The following PCCA variants were observed in gnomAD, a reference collection of about 807,000 sequenced individuals.
The protein encoded by PCCA is propionyl-CoA carboxylase alpha chain, mitochondrial.
Under a neutral mutation model 101.3 loss-of-function variants are expected in PCCA, and 74 were observed. The observed-to-expected ratio is 0.73, with a 90% CI of 0.61 to 0.89. The LOEUF (loss-of-function observed/expected upper bound fraction) is 0.89, where lower values mean the gene tolerates loss of function less well. Ranked by LOEUF, PCCA falls within the 40% of genes least tolerant of loss-of-function variation. PCCA has a pLI of 0.00. For synonymous variants in PCCA, 294 were observed against 313.6 expected, an observed-to-expected ratio of 0.94 and a Z score of 0.66; for missense variants, 891 against 907.0, an observed-to-expected ratio of 0.98 and a Z score of 0.23.
chr13:100,373,317 C>CTTGTTCCAG, intron 19 of PCCA, among the ~76,000 whole-genome samples: 1 of 152,100 alleles, frequency 6.6e-6, no homozygotes, highest in South Asian at 2.1e-4. Context: ...AGCTGGAACC[C>CTTGTTCCAG]TTGTGCACAG....
At chr13:100,321,552 A>G (rs907679939) in intron 16 of PCCA, among the ~76,000 whole-genome samples, 2 of 148,698 alleles carry the variant, frequency 1.3e-5, no homozygotes, top group South Asian at 2.1e-4. Flanking sequence ...CAAGCATGAA[A>G]TAGCTGTGTA....
chr13:100,241,309 A>G (rs2061118899), intron 8 of PCCA, among the ~76,000 whole-genome samples: 1 of 151,964 alleles, frequency 6.6e-6, no homozygotes, highest in South Asian at 2.1e-4. Context: ...GGATTTACTT[A>G]TTCTGGGGAT....
At chr13:100,323,145 C>G (rs2068246996) in intron 16 of PCCA, among the ~76,000 whole-genome samples, 1 of 152,222 alleles carries the variant, frequency 6.6e-6, no homozygotes, top group South Asian at 2.1e-4. Context: ...AACATGAAAA[C>G]AGTCATATGT....
At chr13:100,405,363 G>T (rs901304227) in intron 19 of PCCA, among the ~76,000 whole-genome samples, 4 of 152,148 alleles carry the variant, frequency 2.6e-5, no homozygotes, top group African/African-American at 9.7e-5. Context: ...TGGTTTACAG[G>T]AACAAGCAGG....
intron 5 of PCCA, among the ~76,000 whole-genome samples, chr13:100,156,981 A>G (rs1022770599): frequency 1.3e-5 from 2 of 152,238 alleles, no homozygotes; most frequent in African/African-American, 4.8e-5. Flanking sequence ...TAGTGTAGAC[A>G]AATGCCAGTG....
intron 12 of PCCA, among the ~76,000 whole-genome samples, chr13:100,295,311 T>C (rs760697762): frequency 6.6e-6 from 1 of 152,326 alleles, no homozygotes; most frequent in East Asian, 1.9e-4. Flanking sequence ...CAAACACTTA[T>C]GAAACTGAAT....
chr13:100,189,164 T>G (rs1412152122), intron 6 of PCCA, among the ~76,000 whole-genome samples: 1 of 152,162 alleles, frequency 6.6e-6, no homozygotes, highest in East Asian at 1.9e-4. Flanking sequence ...TGTGATAGTT[T>G]GCTGAGAATG....
At chr13:100,343,870 T>A (rs1255738256) in intron 18 of PCCA, among the ~76,000 whole-genome samples, 1 of 152,070 alleles carries the variant, frequency 6.6e-6, no homozygotes, top group South Asian at 2.1e-4. Context: ...AGGCCAGGAG[T>A]TCGCGACCAA....
At chr13:100,473,842 C>A (rs2152958387) in intron 21 of PCCA, among the ~76,000 whole-genome samples, 1 of 152,346 alleles carries the variant, frequency 6.6e-6, no homozygotes, top group African/African-American at 2.4e-5. Flanking sequence ...GGGGAGACAT[C>A]TCTGGCTTAT....
intron 19 of PCCA, among the ~76,000 whole-genome samples, chr13:100,376,072 T>C (rs919055683): frequency 6.6e-6 from 1 of 152,242 alleles, no homozygotes; most frequent in Non-Finnish European, 1.5e-5. Context: ...TGTTCCTTTC[T>C]GTTTGTTAGT....
intron 6 of PCCA, among the ~76,000 whole-genome samples, chr13:100,201,686 C>A (rs1304513523): frequency 6.6e-6 from 1 of 151,546 alleles, no homozygotes; most frequent in Non-Finnish European, 1.5e-5. Flanking sequence ...GGTGAAACCC[C>A]GTCCCTACTA....
intron 6 of PCCA, among the ~76,000 whole-genome samples, chr13:100,201,880 A>C (rs1042159626): frequency 6.6e-6 from 1 of 150,880 alleles, no homozygotes; most frequent in Non-Finnish European, 1.5e-5. Context: ...AAAAAAAAAA[A>C]AAAAAAAACC....
At chr13:100,119,449 G>T (rs987039304) in intron 4 of PCCA, among the ~76,000 whole-genome samples, 1 of 152,114 alleles carries the variant, frequency 6.6e-6, no homozygotes, top group African/African-American at 2.4e-5. Context: ...ACACCCTCCA[G>T]GGTATCACTC....
At chr13:100,351,786 A>G (rs1156612894) in intron 18 of PCCA, among the ~76,000 whole-genome samples, 1 of 152,186 alleles carries the variant, frequency 6.6e-6, no homozygotes, top group Non-Finnish European at 1.5e-5. Flanking sequence ...ATTTGACTTG[A>G]ATTGGATAGA....
intron 21 of PCCA, among the ~76,000 whole-genome samples, chr13:100,478,373 C>T (rs1566415875): frequency 6.6e-6 from 1 of 152,212 alleles, no homozygotes; most frequent in Non-Finnish European, 1.5e-5. Flanking sequence ...GATCAGCCTG[C>T]TCTGGCGAGT....
intron 12 of PCCA, among the ~76,000 whole-genome samples, chr13:100,297,084 C>G (rs570636738): frequency 6.1e-4 from 93 of 152,268 alleles, no homozygotes; most frequent in African/African-American, 2.1e-3. Flanking sequence ...TAGATTCAGT[C>G]TTTGCATTCT....
intron 21 of PCCA, among the ~76,000 whole-genome samples, chr13:100,504,118 ATT>A (rs374135095): frequency 0.012 from 1,893 of 152,332 alleles, 21 homozygotes; most frequent in Non-Finnish European, 0.018. Flanking sequence ...GCCTATAACT[ATT>A]TTTAACTCCA....
At chr13:100,238,100 G>A (rs1342641925) in intron 8 of PCCA, among the ~76,000 whole-genome samples, 1 of 151,788 alleles carries the variant, frequency 6.6e-6, no homozygotes, top group Non-Finnish European at 1.5e-5. Context: ...CACAATGCCA[G>A]CTAATTTTTT....
intron 4 of PCCA, among the ~76,000 whole-genome samples, chr13:100,138,804 A>G (rs184708079): frequency 4.2e-4 from 64 of 151,986 alleles, no homozygotes; most frequent in African/African-American, 1.4e-3. Context: ...GCGCAGTGGT[A>G]GGCGTCTGTA....
Sources: allele counts gnomAD v4.1 joint callset (sites outside exome capture counted in the v4.1 genomes callset), GRCh38; gene constraint gnomAD v4.1.1; transcripts MANE v1.5; gene names NCBI Gene and HGNC (gene_info 2026-07-23, HGNC 2026-07-21).